USP47: variants seen among roughly 807,000 people sequenced by gnomAD.
USP47 encodes ubiquitin specific peptidase 47.
USP47 carries 35 observed loss-of-function variants against 165.1 expected under a neutral mutation model. The ratio of observed to expected loss-of-function variants is 0.21; its 90% CI spans 0.16 to 0.28. USP47 has a LOEUF of 0.28. USP47 is among the 10% of genes least tolerant of loss of function. The pLI is 1.00. For missense variants in USP47, 1,277 were observed against 1,607.4 expected (o/e 0.79, Z 3.52); for synonymous variants, 531 against 544.5 (o/e 0.98, Z 0.35).
chr11:11,920,241 A>G lies in USP47; in HGVS notation c.1055A>G (p.Asp352Gly). Residue 352 changes from aspartate (D) to glycine (G), a missense_variant, in exon 9 of 28, where the codon GAT (aspartate) becomes GGT (glycine). Physicochemically the swap from Asp to Gly is moderately conservative, Grantham distance 94. Coordinates refer to ENST00000527733, the MANE Select transcript of USP47 (RefSeq NM_001282659.2). ...YFCERCKKKC[D>G]ARKGLRFLHF... ...TGTGAACGTTGTAAGAAGAAGTGTG[A>G]TGCACGGAAGGTAAATGCCATGTAG... 1.2e-6 allele frequency: 2 copies of G among 1,609,894 alleles called. No homozygotes were observed. Among genetic ancestry groups the G allele is most frequent in the Non-Finnish European group, 1.7e-6 (2 of 1,177,836 alleles).
At chr11:11,856,817 G>C (rs1849070972) in intron 1 of USP47, 1 of 152,584 alleles carries the variant, frequency 6.6e-6, no homozygotes, top group African/African-American at 2.4e-5. Flanking sequence ...TTTGTAGCTA[G>C]TTACTTCCTG....
chr11:11,954,868 G>T, intron 25 of USP47, 29 bp from the exon 26 acceptor site: 2 of 1,605,712 alleles, frequency 1.2e-6, no homozygotes, highest in East Asian at 2.2e-5. Flanking sequence ...TTTTTTAAAT[G>T]AACTCAAATA....
At chr11:11,931,026 G>A (rs977641871) in intron 14 of USP47, among the ~76,000 whole-genome samples, 1 of 152,138 alleles carries the variant, frequency 6.6e-6, no homozygotes, top group African/African-American at 2.4e-5. Context: ...GCAGTCTGAT[G>A]TAGGGACGAT....
Position 11,960,624 on chromosome 11 carries a change from C to T in USP47, c.*4449C>T, listed in dbSNP as rs1382585521. Among the ~76,000 whole-genome samples, 28 of 152,316 alleles carry T rather than the reference C, an allele frequency of 1.8e-4. 2 individuals are homozygous for T. Among genetic ancestry groups the T allele is most frequent in the Admixed American group, 1.8e-3 (28 of 15,308 alleles). ...ACGGAGTGTCAGGGAGGGGAAGAAT[C>T]TGTTTTCCAAACACCACAATCTCCC... On this transcript the variant is annotated 3_prime_UTR_variant, in exon 28 of 28. Coordinates refer to ENST00000527733, the MANE Select transcript of USP47 (RefSeq NM_001282659.2).
intron 17 of USP47, 82 bp downstream of exon 17, chr11:11,936,592 C>A: frequency 8.5e-7 from 1 of 1,180,962 alleles, no homozygotes; most frequent in East Asian, 2.6e-5. Flanking sequence ...TAGAAATGAA[C>A]ATAATTTAAA....
intron 5 of USP47, among the ~76,000 whole-genome samples, chr11:11,901,147 T>A (rs1286568423): frequency 6.6e-6 from 1 of 152,102 alleles, no homozygotes; most frequent in African/African-American, 2.4e-5. Flanking sequence ...GGAGTGCCAG[T>A]GTGTAACAAA....
rs1169217265 is a variant in USP47, at chr11:11,947,956, C to T, written c.3103C>T (p.His1035Tyr). 6.2e-7 allele frequency: 1 copy of T among 1,606,326 alleles called. No individual in the cohort carries two copies. Among genetic ancestry groups the T allele is most frequent in the Non-Finnish European group, 8.5e-7 (1 of 1,177,562 alleles). The change falls in exon 21 of 28, where the codon CAT becomes TAT. Residue 1035 changes from histidine to tyrosine, a missense_variant. Physicochemically the swap from His to Tyr is moderately conservative, Grantham distance 83. Around this residue, in one of 4 missense-constraint regions of USP47, gnomAD observed 909 missense variants for 1,068.1 expected, o/e 0.85. Transcript: ENST00000527733. ...SGEGHKWLMVHVDKRITLAAF... is the reference protein window; with the variant it reads ...SGEGHKWLMVYVDKRITLAAF... ...TTTTTTGTGCTTAGGGTTGATGGTG[C>T]ATGTTGATAAAAGAATTACTCTGGC...
Position 11,948,466 on chromosome 11 carries a change from T to C in USP47, c.3268-12T>C. 1 of 1,605,716 alleles carries C rather than the reference T, an allele frequency of 6.2e-7. No homozygotes were observed. Among genetic ancestry groups the C allele is most frequent in the East Asian group, 2.2e-5 (1 of 44,756 alleles). On this transcript the variant is annotated splice_polypyrimidine_tract_variant and intron_variant, in intron 21 of 27. Coordinates refer to ENST00000527733, the MANE Select transcript of USP47 (RefSeq NM_001282659.2). ...GAGACAGCATGTCTAAAAAAATGTT[T>C]TTAACTTATAGATTACAATTAGACT...
At chr11:11,933,733 A>G in intron 15 of USP47, 98 bp from the exon 16 acceptor site, 2 of 798,630 alleles carry the variant, frequency 2.5e-6, no homozygotes, top group Non-Finnish European at 4.1e-6. Flanking sequence ...TGTTCTTTTA[A>G]AAAATTGCAG....
chr11:11,940,632 A>C (rs1296484260), intron 19 of USP47, 84 bp downstream of exon 19: 1 of 1,410,082 alleles, frequency 7.1e-7, no homozygotes. Flanking sequence ...CCTGGCCTCC[A>C]CAGCTGTTCA....
At chr11:11,912,483 G>A (rs535307411) in intron 8 of USP47, among the ~76,000 whole-genome samples, 10 of 152,080 alleles carry the variant, frequency 6.6e-5, no homozygotes, top group African/African-American at 2.4e-4. Flanking sequence ...GAACTCAATA[G>A]GAATTAGATA....
intron 1 of USP47, among the ~76,000 whole-genome samples, chr11:11,862,043 G>C (rs1376147196): frequency 1.4e-5 from 2 of 147,404 alleles, no homozygotes; most frequent in African/African-American, 5.0e-5. Flanking sequence ...TTTTTTTAAG[G>C]AAAACACACA....
intron 20 of USP47, among the ~76,000 whole-genome samples, chr11:11,947,471 A>C (rs931007524): frequency 4.6e-5 from 7 of 152,228 alleles, no homozygotes; most frequent in African/African-American, 1.7e-4. Flanking sequence ...TGCTGAAAGC[A>C]TGATAAATGA....
intron 10 of USP47, among the ~76,000 whole-genome samples, chr11:11,921,591 T>C (rs373889422): frequency 2.6e-5 from 4 of 152,046 alleles, no homozygotes; most frequent in African/African-American, 9.6e-5. Flanking sequence ...GCGCTTAAGC[T>C]AGGAAATCTA....
Position 11,842,203 on chromosome 11 carries a change from G to T in USP47, c.18G>T (p.Glu6Asp). MVPGE[E>D]NQLVPKEIEN... ...AGTCAGCGATGGTGCCCGGCGAGGA[G>T]AACCAACTGGTCCCGAAAGAGGTGA... Residue 6 changes from glutamate (E) to aspartate (D), a missense_variant, in exon 1 of 28, where the codon GAG (glutamate) becomes GAT (aspartate). By Grantham distance (45) the Glu-to-Asp change is conservative. Around this residue, in one of 4 missense-constraint regions of USP47, gnomAD observed 181 missense variants for 194.7 expected, o/e 0.93. Transcript: ENST00000527733. 6.4e-7 allele frequency: 1 copy of T among 1,553,974 alleles called. No individual in the cohort carries two copies. The highest frequency in any genetic ancestry group is 8.7e-7 in the Non-Finnish European group (1 of 1,147,844).
intron 3 of USP47, among the ~76,000 whole-genome samples, chr11:11,887,394 T>G (rs555101811): frequency 7.9e-5 from 12 of 151,628 alleles, no homozygotes; most frequent in African/African-American, 2.7e-4. Context: ...ATTTACCAAG[T>G]GAATGGAAAA....
chr11:11,851,571 A>G (rs1165244713), intron 1 of USP47, among the ~76,000 whole-genome samples: 2 of 152,214 alleles, frequency 1.3e-5, no homozygotes, highest in African/African-American at 2.4e-5. Flanking sequence ...TTATATAACC[A>G]TAGAACGATG....
chr11:11,948,714 A>G, intron 22 of USP47, 156 bp downstream of exon 22: 1 of 602,076 alleles, frequency 1.7e-6, no homozygotes, highest in Non-Finnish European at 3.0e-6. Context: ...CCTCTGTTGC[A>G]GTTACTCACT....
intron 4 of USP47, among the ~76,000 whole-genome samples, chr11:11,895,389 A>G (rs987186319): frequency 6.6e-6 from 1 of 152,150 alleles, no homozygotes; most frequent in Non-Finnish European, 1.5e-5. Flanking sequence ...TTGTGTTCAG[A>G]AATTATTTTA....
Sources: allele counts gnomAD v4.1 joint callset (sites outside exome capture counted in the v4.1 genomes callset), GRCh38; gene constraint gnomAD v4.1.1; regional missense constraint gnomAD v4.1.1; transcripts MANE v1.5; gene names NCBI Gene and HGNC (gene_info 2026-07-23, HGNC 2026-07-21).